FCHSD1: variants seen among roughly 807,000 people sequenced by gnomAD.
The protein encoded by FCHSD1 is F-BAR and double SH3 domains protein 1.
FCHSD1 carries 109 observed loss-of-function variants against 101.3 expected under a neutral mutation model. The ratio of observed to expected loss-of-function variants is 1.08; its 90% confidence interval spans 0.92 to 1.26. The LOEUF (loss-of-function observed/expected upper bound fraction) is 1.26. FCHSD1 is among the 50% of genes most tolerant of loss of function. FCHSD1 has a pLI of 0.00. For synonymous variants in FCHSD1, 291 were observed against 356.8 expected (o/e 0.82, Z 2.08); for missense variants, 820 against 895.8 (o/e 0.92, Z 1.08).
At chr5:141,645,995 T>A in intron 12 of FCHSD1, 63 bp from the exon 13 acceptor site, 1 of 1,538,314 alleles carries the variant, frequency 6.5e-7, no homozygotes, top group Admixed American at 2.0e-5. Context: ...TCTCTGCTTC[T>A]CCCTTCCTTC....
rs775617205 is a variant in FCHSD1, at chr5:141,639,877, T to C, written c.*1621A>G. On this transcript the variant is annotated 3_prime_UTR_variant, in exon 20 of 20. Transcript: ENST00000435817. The surrounding 1 kb of genome is among the most constrained non-coding windows in gnomAD (Gnocchi z 4.4). ...GGTCAGAGGGGAGGGCCAAGCAGCC[T>C]CTGAGTTGTGGTCCTAAACCCCAGT... is the stretch of plus-strand genomic sequence containing the variant. The C allele has an allele frequency of 5.4e-5, 87 of 1,605,284 alleles. No individual in the cohort carries two copies. The highest frequency in any genetic ancestry group is 7.0e-5 in the Non-Finnish European group (82 of 1,173,454).
chr5:141,648,124 A>G, intron 7 of FCHSD1, 28 bp from the exon 8 acceptor site: 4 of 1,588,362 alleles, frequency 2.5e-6, no homozygotes, highest in Non-Finnish European at 3.4e-6. Flanking sequence ...TGTCAATAGG[A>G]AGCCCTAGAC....
rs2154598401 is a variant in FCHSD1 at position 141,645,698 on chromosome 5, TTTA to T, written c.1311+70_1311+72del. The T allele has an allele frequency of 6.7e-6, 10 of 1,493,126 alleles. No individual in the cohort carries two copies. In the South Asian group the frequency reaches 1.3e-4, roughly 20 times the overall value. 92.5% of individuals were successfully genotyped at this position (1,493,126 alleles called of 1,614,324 possible). A position where few individuals can be genotyped will look rare whatever the true frequency, so the allele number is the denominator to read the frequency against. The stretch of plus-strand genomic sequence containing the variant: ...AGTTAGGCACAACTGTGATTCCAGT[TTTA>T]TAGGGTTTGCCTTCCACTGGAGTTT... On this transcript the variant is annotated intron_variant, in intron 13 of 19. Transcript: ENST00000435817.
chr5:141,646,467 C>T, intron 11 of FCHSD1, 136 bp downstream of exon 11: 1 of 1,350,854 alleles, frequency 7.4e-7, no homozygotes, highest in Non-Finnish European at 9.9e-7. Context: ...AACTATTGTG[C>T]CACACTGTTA....
Position 141,645,845 on chromosome 5 carries a change from G to A in FCHSD1, c.1237C>T (p.Gln413Ter), listed in dbSNP as rs745429918. 8 of 1,606,266 alleles carry A rather than the reference G, an allele frequency of 5.0e-6. No homozygotes were observed. Among genetic ancestry groups the A allele is most frequent in the Non-Finnish European group, 6.8e-6 (8 of 1,176,400 alleles). ...VERWLKPAMT[Q>*]AQDEVEQERR... ...TCCTGCTCCACCTCATCCTGGGCCT[G>A]GGTCATGGCTGGCTTCAGCCAGCGC... The change falls in exon 13 of 20, where the codon CAG becomes TAG. Residue 413 changes from glutamine to a stop codon, truncating the protein, a stop_gained. Transcript: ENST00000435817. LOFTEE classifies it high-confidence loss of function.
rs2099906654 is a variant in FCHSD1, at chr5:141,640,036, C to T, written c.*1462G>A. 1 of 1,613,368 alleles carries T rather than the reference C, an allele frequency of 6.2e-7. No homozygotes were observed. The highest frequency in any genetic ancestry group is 8.5e-7 in the Non-Finnish European group (1 of 1,179,794). ...CAGGACCCAGGGGGTGGTCAGGGGT[C>T]TGGGGGAGGGCAGCCCAAGGCAGGG... On this transcript the variant is annotated 3_prime_UTR_variant, in exon 20 of 20. Coordinates refer to ENST00000435817, the MANE Select transcript of FCHSD1 (RefSeq NM_033449.3).
Position 141,642,999 on chromosome 5 carries a change from AC to A in FCHSD1, c.1951+1del. On this transcript the variant is annotated splice_donor_variant, in intron 18 of 19. Transcript: ENST00000435817. LOFTEE classifies it high-confidence loss of function. ...CCAAGGCTCCCAGTTCCTTCCACTC[AC>A]CCCCAGGCAGGACAGGTGCAGGGGG... is the stretch of plus-strand genomic sequence containing the variant. The A allele has an allele frequency of 3.2e-6, 5 of 1,559,142 alleles. No individual in the cohort carries two copies. The highest frequency in any genetic ancestry group is 2.4e-5 in the East Asian group (1 of 41,140).
chr5:141,642,094 C>A, intron 18 of FCHSD1: 1 of 514,902 alleles, frequency 1.9e-6, no homozygotes, highest in Non-Finnish European at 3.5e-6. Flanking sequence ...ATGGTGGTAA[C>A]TCCAGGGAGG....
chr5:141,640,116 A>C lies in FCHSD1; in HGVS notation c.*1382T>G. On this transcript the variant is annotated 3_prime_UTR_variant, in exon 20 of 20. Coordinates refer to ENST00000435817, the MANE Select transcript of FCHSD1 (RefSeq NM_033449.3). Reference sequence around the variant, plus strand: ...GAGGCCACAGCCCCAGGTCCTAGCCAGCCCCCCAGTACAGAATGGAGGACT... The same window carrying C: ...GAGGCCACAGCCCCAGGTCCTAGCCCGCCCCCCAGTACAGAATGGAGGACT... 1 of 1,613,956 alleles carries C rather than the reference A, an allele frequency of 6.2e-7. No homozygotes were observed. The highest frequency in any genetic ancestry group is 8.5e-7 in the Non-Finnish European group (1 of 1,179,894).
In FCHSD1 at chr5:141,649,619, A is replaced by C; in HGVS notation, c.234-83T>G. On this transcript the variant is annotated intron_variant, in intron 4 of 19. Coordinates refer to ENST00000435817, the MANE Select transcript of FCHSD1 (RefSeq NM_033449.3). This position sits in a 1 kb window ranked among gnomAD's most constrained non-coding sequence, Gnocchi z 4.1. ...CCCCACCCCCTGCCCCCTGACCAAC[A>C]CCATGGGAGACAGAGTGCTTTCCCA... The C allele has an allele frequency of 6.7e-7, 1 of 1,489,202 alleles. No individual in the cohort carries two copies. The highest frequency in any genetic ancestry group is 9.0e-7 in the Non-Finnish European group (1 of 1,115,968). The allele number at this position is 1,489,202 out of a possible 1,614,324, so 92.2% of individuals were successfully genotyped here. A position where few individuals can be genotyped will look rare whatever the true frequency, so the allele number is the denominator to read the frequency against.
chr5:141,647,631 G>A (rs1246300691), intron 8 of FCHSD1, 111 bp from the exon 9 acceptor site: 2 of 1,514,658 alleles, frequency 1.3e-6, no homozygotes, highest in African/African-American at 2.8e-5. Flanking sequence ...AAGGAGAGAA[G>A]AAGACATTCT....
chr5:141,639,353 G>T lies in FCHSD1; in HGVS notation c.*2145C>A. 1 of 826,964 alleles carries T rather than the reference G, an allele frequency of 1.2e-6. No homozygotes were observed. Among genetic ancestry groups the T allele is most frequent in the Non-Finnish European group, 1.9e-6 (1 of 533,602 alleles). 51.2% of individuals were successfully genotyped at this position (826,964 alleles called of 1,614,324 possible). A position where few individuals can be genotyped will look rare whatever the true frequency, so the allele number is the denominator to read the frequency against. ...ATAAAGACAAGAAAAAATGGGGCTTGGGGAAATTGGGGCTTCTGGGGTTTT... is the reference window on the plus strand; with the variant it reads ...ATAAAGACAAGAAAAAATGGGGCTTTGGGAAATTGGGGCTTCTGGGGTTTT... On this transcript the variant is annotated 3_prime_UTR_variant, in exon 20 of 20. Transcript: ENST00000435817. This position sits in a 1 kb window ranked among gnomAD's most constrained non-coding sequence, Gnocchi z 4.4.
chr5:141,649,672 C>A lies in FCHSD1; in HGVS notation c.234-136G>T. 3.0e-6 allele frequency: 4 copies of A among 1,315,208 alleles called. No individual in the cohort carries two copies. The South Asian group carries it at 5.9e-5, about 19-fold the overall frequency. The allele number at this position is 1,315,208 out of a possible 1,614,324, so 81.5% of individuals were successfully genotyped here. A position where few individuals can be genotyped will look rare whatever the true frequency, so the allele number is the denominator to read the frequency against. ...CTCCCTTGTCTGGGAGCCCATCAATCGATCAGCCCATTAGCTCAGCCACAA... is the reference window on the plus strand; with the variant it reads ...CTCCCTTGTCTGGGAGCCCATCAATAGATCAGCCCATTAGCTCAGCCACAA... On this transcript the variant is annotated intron_variant, in intron 4 of 19. Transcript: ENST00000435817. The surrounding 1 kb of genome is among the most constrained non-coding windows in gnomAD (Gnocchi z 4.1).
rs1383824517 is a variant in FCHSD1 at position 141,649,495 on chromosome 5, G to A, written c.275C>T (p.Ala92Val). Residue 92 changes from alanine to valine, a missense_variant, in exon 5 of 20, where the codon GCC becomes GTC. Ala to Val is a moderately conservative substitution (Grantham distance 64). Transcript: ENST00000435817. This position sits in a 1 kb window ranked among gnomAD's most constrained non-coding sequence, Gnocchi z 4.1. ...VFGAWRCLLDATVAGGQTRLQ... is the reference protein window; with the variant it reads ...VFGAWRCLLDVTVAGGQTRLQ... Reference sequence around the variant, plus strand: ...TCGGGTTTGGCCCCCAGCCACGGTGGCATCCAGCAGGCAGCGCCAGGCACC... The same window carrying A: ...TCGGGTTTGGCCCCCAGCCACGGTGACATCCAGCAGGCAGCGCCAGGCACC... 1.9e-6 allele frequency: 3 copies of A among 1,613,520 alleles called. No individual in the cohort carries two copies. The highest frequency in any genetic ancestry group is 2.2e-5 in the South Asian group (2 of 91,088).
At position 141,649,019 on chromosome 5, in the gene FCHSD1, G is replaced by A; in HGVS notation, c.514C>T (p.Leu172=). ...QEKAADVQAR[L]NRSDHGIFHS... ...AAGATCCCATGGTCACTTCGGTTTA[G>A]CCTGTGCAGATGAGAGAAAGGAGTC... Residue 172 remains leucine, a splice_region_variant and synonymous_variant, in exon 7 of 20, where the codon CTA becomes TTA. Transcript: ENST00000435817. This position sits in a 1 kb window ranked among gnomAD's most constrained non-coding sequence, Gnocchi z 4.1. 1 of 1,613,980 alleles carries A rather than the reference G, an allele frequency of 6.2e-7. No individual in the cohort carries two copies. The highest frequency in any genetic ancestry group is 8.5e-7 in the Non-Finnish European group (1 of 1,179,894).
At position 141,639,827 on chromosome 5, in the gene FCHSD1, T is replaced by A; in HGVS notation, c.*1671A>T. ...TCCCCTACCTTAGGCCAGAGGGAAG[T>A]AGCCACCAAACTCAGGATGTCCCTG... On this transcript the variant is annotated 3_prime_UTR_variant, in exon 20 of 20. Coordinates refer to ENST00000435817, the MANE Select transcript of FCHSD1 (RefSeq NM_033449.3). The surrounding 1 kb of genome is among the most constrained non-coding windows in gnomAD (Gnocchi z 4.4). 1 of 1,420,526 alleles carries A rather than the reference T, an allele frequency of 7.0e-7. No individual in the cohort carries two copies. The highest frequency in any genetic ancestry group is 9.9e-7 in the Non-Finnish European group (1 of 1,014,884). 88.0% of individuals were successfully genotyped at this position (1,420,526 alleles called of 1,614,324 possible).
At chr5:141,641,666 T>C in intron 19 of FCHSD1, 36 bp downstream of exon 19, 1 of 1,613,542 alleles carries the variant, frequency 6.2e-7, no homozygotes, top group South Asian at 1.1e-5. Flanking sequence ...GAATAACCCC[T>C]CTACATACAA....
rs1562379549 is a variant in FCHSD1, at chr5:141,639,352, TG to T, written c.*2145del. ...GATAAAGACAAGAAAAAATGGGGCT[TG>T]GGGAAATTGGGGCTTCTGGGGTTTT... is the stretch of plus-strand genomic sequence containing the variant. On this transcript the variant is annotated 3_prime_UTR_variant, in exon 20 of 20. Coordinates refer to ENST00000435817, the MANE Select transcript of FCHSD1 (RefSeq NM_033449.3). This position sits in a 1 kb window ranked among gnomAD's most constrained non-coding sequence, Gnocchi z 4.4. 4 of 815,266 alleles carry T rather than the reference TG, an allele frequency of 4.9e-6. No homozygotes were observed. Among genetic ancestry groups the T allele is most frequent in the Non-Finnish European group, 5.7e-6 (3 of 524,508 alleles). 50.5% of individuals were successfully genotyped at this position (815,266 alleles called of 1,614,324 possible).
At chr5:141,651,194 CG>C (rs2099908355) in intron 1 of FCHSD1, 77 bp from the exon 2 acceptor site, 1 of 971,820 alleles carries the variant, frequency 1.0e-6, no homozygotes, top group South Asian at 1.4e-5. Flanking sequence ...GGTGAGGGGG[CG>C]GGGCCGGGGG....
Sources: gnomAD v4.1 joint callset for allele counts on GRCh38, gnomAD v4.1.1 for gene constraint, Gnocchi (gnomAD v3.1) non-coding constraint, MANE v1.5 for transcripts, NCBI Gene and HGNC (gene_info 2026-07-23, HGNC 2026-07-21) for gene names.